LRRC71: variants seen among roughly 807,000 people sequenced by gnomAD.
LRRC71 encodes leucine-rich repeat-containing protein 71.
In LRRC71, 54 loss-of-function variants were observed where a neutral mutation model predicts 66.6. The observed-to-expected ratio is 0.81, with a 90% CI of 0.65 to 1.02. LRRC71 has a LOEUF of 1.02. LRRC71 is among the 50% of genes least tolerant of loss of function. The pLI is 0.00. For synonymous variants in LRRC71, 323 were observed against 303.9 expected, an observed-to-expected ratio of 1.06 and a Z score of -0.65; for missense variants, 724 against 718.0, an observed-to-expected ratio of 1.01 and a Z score of -0.10.
rs1293831204 is a variant in LRRC71, at chr1:156,927,271, G to GT, written c.662+2dup. Reference sequence around the variant, plus strand: ...ACAAGCTCATGGCCTTGGACAGCACGTGAGACTCCCTGCCCTCACCCCCTT... The same window carrying GT: ...ACAAGCTCATGGCCTTGGACAGCACGTTGAGACTCCCTGCCCTCACCCCCTT... On this transcript the variant is annotated splice_donor_variant, in intron 6 of 14. Transcript: ENST00000337428. LOFTEE classifies it high-confidence loss of function. The GT allele has an allele frequency of 6.2e-7, 1 of 1,613,454 alleles. No individual in the cohort carries two copies. The highest frequency in any genetic ancestry group is 8.5e-7 in the Non-Finnish European group (1 of 1,179,596).
In LRRC71 at chr1:156,926,708, G is replaced by A. The variant is rs551232979; in HGVS notation, c.594-494G>A. Among the ~76,000 whole-genome samples the A allele has an allele frequency of 7.2e-5, 11 of 152,130 alleles. 1 individual carries two copies. The South Asian group carries it at 2.3e-3, about 32-fold the overall frequency. On this transcript the variant is annotated intron_variant, in intron 5 of 14. Transcript: ENST00000337428. ...TTCTGCCTCAGCCTCCCAAGTAGCTGGGATTACAGGTGCACGCCACCATGT... is the reference window on the plus strand; with the variant it reads ...TTCTGCCTCAGCCTCCCAAGTAGCTAGGATTACAGGTGCACGCCACCATGT...
In LRRC71 at chr1:156,927,289, A is replaced by AC; in HGVS notation, c.662+24dup. On this transcript the variant is annotated intron_variant, in intron 6 of 14. Coordinates refer to ENST00000337428, the MANE Select transcript of LRRC71 (RefSeq NM_144702.3). The stretch of plus-strand genomic sequence containing the variant: ...ACAGCACGTGAGACTCCCTGCCCTC[A>AC]CCCCCTTTCTCTGGGCCTGTCTCGA... 1 of 1,608,040 alleles carries AC rather than the reference A, an allele frequency of 6.2e-7. No individual in the cohort carries two copies. The highest frequency in any genetic ancestry group is 8.5e-7 in the Non-Finnish European group (1 of 1,176,516).
intron 4 of LRRC71, 32 bp downstream of exon 4, chr1:156,924,750 C>T: frequency 7.1e-6 from 11 of 1,549,498 alleles, no homozygotes; most frequent in Non-Finnish European, 9.6e-6. Context: ...GGCGGGGGAC[C>T]AGAGTGGGAG....
chr1:156,933,108 C>A (rs61801964), downstream of LRRC71: 3 of 627,086 alleles, frequency 4.8e-6, no homozygotes, highest in Non-Finnish European at 8.3e-6. Context: ...CGTCTGAAAA[C>A]TTTCTTCCAG....
chr1:156,932,224 T>C (rs1654477365), intron 13 of LRRC71, 197 bp downstream of exon 13: 1 of 658,298 alleles, frequency 1.5e-6, no homozygotes, highest in Non-Finnish European at 2.7e-6. Context: ...GGACAGGCGA[T>C]TGGAGTAATG....
At chr1:156,939,227 T>G in the LRRC71 span, 1 of 357,160 alleles carries the variant, frequency 2.8e-6, no homozygotes, top group Non-Finnish European at 5.2e-6. Flanking sequence ...TGAGGAGCAC[T>G]AACAGAGACT....
rs566297283 is a variant in LRRC71 at position 156,921,880 on chromosome 1, A to AG, written c.160+919dup. ...TTGGGATAGGGCAGTGAGAATGGTGAGGCTTGGTTGAGTTAGGCTCCTCAG... is the reference window on the plus strand; with the variant it reads ...TTGGGATAGGGCAGTGAGAATGGTGAGGGCTTGGTTGAGTTAGGCTCCTCAG... On this transcript the variant is annotated intron_variant, in intron 1 of 14. Coordinates refer to ENST00000337428, the MANE Select transcript of LRRC71 (RefSeq NM_144702.3). 1.7e-4 allele frequency among the ~76,000 whole-genome samples: 26 copies of AG among 152,226 alleles called. No homozygotes were observed. The South Asian group carries it at 4.2e-3, about 24-fold the overall frequency.
intron 1 of LRRC71, among the ~76,000 whole-genome samples, chr1:156,922,795 G>A (rs1294836939): frequency 6.6e-6 from 1 of 152,152 alleles, no homozygotes; most frequent in Non-Finnish European, 1.5e-5. Flanking sequence ...TAGGGCCCAG[G>A]AAATTGTTTT....
At chr1:156,936,389 T>C, downstream of LRRC71, 1 of 407,168 alleles carries the variant, frequency 2.5e-6, no homozygotes, top group Non-Finnish European at 4.8e-6. Flanking sequence ...CCCAGCTGCT[T>C]TGGAGGCTGA....
chr1:156,936,952 A>T, downstream of LRRC71: 1 of 1,614,078 alleles, frequency 6.2e-7, no homozygotes, highest in Non-Finnish European at 8.5e-7. Flanking sequence ...TGGTGCCACC[A>T]GATGACTCTC....
intron 1 of LRRC71, among the ~76,000 whole-genome samples, chr1:156,923,280 A>G (rs1395553724): frequency 6.6e-6 from 1 of 152,194 alleles, no homozygotes; most frequent in East Asian, 1.9e-4. Context: ...TGGGATGCCT[A>G]TGGTGGGGAG....
intron 9 of LRRC71, among the ~76,000 whole-genome samples, chr1:156,928,351 C>CTTCT (rs1553188822): frequency 2.8e-5 from 2 of 71,968 alleles, no homozygotes; most frequent in African/African-American, 1.0e-4. Flanking sequence ...TTCTTTCTTT[C>CTTCT]TCTTCTTCTT....
downstream of LRRC71, among the ~76,000 whole-genome samples, chr1:156,936,497 A>ATATATATATATATAT (rs1553192805): frequency 1.5e-4 from 5 of 33,928 alleles, no homozygotes; most frequent in South Asian, 1.6e-3. Flanking sequence ...AAAAAAAAAA[A>ATATATATATATATAT]ATATATATAT....
At position 156,932,915 on chromosome 1, in the gene LRRC71, G is replaced by A. The variant is rs758163106; in HGVS notation, c.1626G>A (p.Arg542=). 1 of 1,604,036 alleles carries A rather than the reference G, an allele frequency of 6.2e-7. No homozygotes were observed. The highest frequency in any genetic ancestry group is 8.5e-7 in the Non-Finnish European group (1 of 1,175,268). The stretch of plus-strand genomic sequence containing the variant: ...TAATCCAGGAGCTGATGTTGCCAAG[G>A]GATCCCATCAAGGCCAAACTCAGGG... The part of the protein sequence containing the change: ...YAIIQELMLP[R]DPIKAKLRED... Residue 542 remains arginine, a synonymous_variant, in exon 15 of 15, where the codon AGG becomes AGA. Coordinates refer to ENST00000337428, the MANE Select transcript of LRRC71 (RefSeq NM_144702.3).
At chr1:156,939,513 C>A in the LRRC71 span, 4 of 1,604,290 alleles carry the variant, frequency 2.5e-6, no homozygotes, top group Non-Finnish European at 3.4e-6. Flanking sequence ...AGCAAGGGTG[C>A]TTGTCTCCCC....
chr1:156,933,775 C>T (rs1189315486), downstream of LRRC71, among the ~76,000 whole-genome samples: 1 of 152,240 alleles, frequency 6.6e-6, no homozygotes, highest in African/African-American at 2.4e-5. Context: ...TAAACCTATA[C>T]AGCAGTGTCC....
chr1:156,924,561 C>T lies in LRRC71; in HGVS notation c.439+9C>T, dbSNP rs1223571047. ...GGAAATCTACATCCGCGGTGAGCCC[C>T]GCTCCCCCCACCCGCCCCAGCTCCC... On this transcript the variant is annotated intron_variant, in intron 3 of 14. Transcript: ENST00000337428. 6.4e-7 allele frequency: 1 copy of T among 1,551,404 alleles called. No homozygotes were observed. Among genetic ancestry groups the T allele is most frequent in the Non-Finnish European group, 8.7e-7 (1 of 1,146,904 alleles).
In LRRC71 at chr1:156,932,489, T is replaced by G. The variant is rs822431; in HGVS notation, c.1507T>G (p.Ser503Ala). 0.18 allele frequency: 297,468 copies of G among 1,612,050 alleles called. 31,480 individuals carry two copies. The highest frequency in any genetic ancestry group is 0.42 in the African/African-American group (31,688 of 74,886). The change falls in exon 14 of 15, where the codon TCC (serine) becomes GCC (alanine). Residue 503 changes from serine to alanine, a missense_variant. Ser to Ala is a moderately conservative substitution (Grantham distance 99, BLOSUM62 1). Coordinates refer to ENST00000337428, the MANE Select transcript of LRRC71 (RefSeq NM_144702.3). ...CACGGTGCAGTATCAGATGCAGTTC[T>G]CCAAGGCCAAGAGTGCATCCAAGGG... ...LATVQYQMQF[S>A]KAKSASKGPV...
chr1:156,936,961 TCCC>T (rs2101735154), downstream of LRRC71: 2 of 1,613,890 alleles, frequency 1.2e-6, no homozygotes, highest in Non-Finnish European at 8.5e-7. Context: ...CAGATGACTC[TCCC>T]CCAAGGGACT....
Sources: allele counts gnomAD v4.1 joint callset (sites outside exome capture counted in the v4.1 genomes callset), GRCh38; gene constraint gnomAD v4.1.1; transcripts MANE v1.5; gene names NCBI Gene and HGNC (gene_info 2026-07-23, HGNC 2026-07-21).